The following RECQL5 variants were observed in gnomAD, a reference collection of about 807,000 sequenced individuals.
RECQL5 encodes ATP-dependent DNA helicase Q5.
Under a neutral mutation model 103.4 loss-of-function variants are expected in RECQL5, and 88 were observed. That is an observed-to-expected ratio of 0.85 (90% CI 0.72 to 1.02). RECQL5 has a LOEUF of 1.02. Among genes scored for constraint, RECQL5 ranks in the 50% least tolerant of loss-of-function variants. The pLI, the probability that RECQL5 is intolerant of heterozygous loss-of-function variation, is 0.00. For synonymous variants in RECQL5, 552 were observed against 507.9 expected, an observed-to-expected ratio of 1.09 and a Z score of -1.17; for missense variants, 1,232 against 1,284.3, an observed-to-expected ratio of 0.96 and a Z score of 0.62.
intron 8 of RECQL5, among the ~76,000 whole-genome samples, chr17:75,645,260 A>G (rs1042415965): frequency 6.6e-6 from 1 of 152,266 alleles, no homozygotes; most frequent in African/African-American, 2.4e-5. Flanking sequence ...GAGTGATTCC[A>G]AAGTCATCCC....
intron 7 of RECQL5, 95 bp downstream of exon 7, chr17:75,658,203 A>G (rs924143383): frequency 7.1e-7 from 1 of 1,399,346 alleles, no homozygotes; most frequent in Admixed American, 2.0e-5. Context: ...AGCCTCCTCT[A>G]GCTTACACAA....
Position 75,648,345 on chromosome 17 carries a change from C to A in RECQL5, c.1229+2841G>T, listed in dbSNP as rs149522228. On this transcript the variant is annotated intron_variant, in intron 8 of 19. Coordinates refer to ENST00000317905, the MANE Select transcript of RECQL5 (RefSeq NM_004259.7). ...CACTTGTTTTATACTCTCGAAACAC[C>A]ATTTACAGGACTTATATGTCTTTGT... Among the ~76,000 whole-genome samples, 161 of 152,114 alleles carry A rather than the reference C, an allele frequency of 1.1e-3. 1 individual carries two copies. The East Asian group carries it at 0.012, about 12-fold the overall frequency.
Position 75,640,378 on chromosome 17 carries a change from G to T in RECQL5, c.1230-8710C>A. The T allele has an allele frequency of 6.7e-7, 1 of 1,487,094 alleles. No homozygotes were observed. Among genetic ancestry groups the T allele is most frequent in the South Asian group, 1.3e-5 (1 of 75,052 alleles). 92.1% of individuals were successfully genotyped at this position (1,487,094 alleles called of 1,614,324 possible). A position where few individuals can be genotyped will look rare whatever the true frequency, so the allele number is the denominator to read the frequency against. On this transcript the variant is annotated intron_variant, in intron 8 of 19. Transcript: ENST00000317905. This position sits in a 1 kb window ranked among gnomAD's most constrained non-coding sequence, Gnocchi z 4.6. ...ATGGCTCTCCCTGGCATCTGGGAGAGACCACACCATGGTGCCAGCCAGAGG... is the reference window on the plus strand; with the variant it reads ...ATGGCTCTCCCTGGCATCTGGGAGATACCACACCATGGTGCCAGCCAGAGG...
chr17:75,664,054 C>CA (rs34569441), intron 3 of RECQL5, among the ~76,000 whole-genome samples: 53,624 of 105,572 alleles, frequency 0.51, 14,753 homozygotes, highest in Non-Finnish European at 0.6. Flanking sequence ...AACTCCATCT[C>CA]AAAAAAAAAA....
At chr17:75,666,983 C>T in intron 1 of RECQL5, 61 bp downstream of exon 1, 1 of 259,098 alleles carries the variant, frequency 3.9e-6, no homozygotes, top group Non-Finnish European at 7.5e-6. Flanking sequence ...CTTCCTGAGC[C>T]CAAGATCCGC....
intron 2 of RECQL5, among the ~76,000 whole-genome samples, chr17:75,665,900 G>T (rs1435580876): frequency 6.6e-6 from 1 of 152,126 alleles, no homozygotes; most frequent in Non-Finnish European, 1.5e-5. Context: ...CGTATCTCAG[G>T]TTTATAACAT....
At chr17:75,664,023 A>G (rs2059733884) in intron 3 of RECQL5, among the ~76,000 whole-genome samples, 1 of 148,070 alleles carries the variant, frequency 6.8e-6, no homozygotes, top group African/African-American at 2.5e-5. Flanking sequence ...CATTGCACTC[A>G]AGCCCGGGCA....
At chr17:75,648,287 A>C (rs975167335) in intron 8 of RECQL5, among the ~76,000 whole-genome samples, 2 of 152,096 alleles carry the variant, frequency 1.3e-5, no homozygotes, top group East Asian at 1.9e-4. Flanking sequence ...CCTCAGGTAA[A>C]TCTTCCCTAA....
At chr17:75,657,747 TAAAA>T (rs35049816) in intron 7 of RECQL5, among the ~76,000 whole-genome samples, 3 of 112,218 alleles carry the variant, frequency 2.7e-5, no homozygotes, top group Non-Finnish European at 3.8e-5. Flanking sequence ...CCTTGTCTCT[TAAAA>T]AAAAAAAAAA....
rs114723240 is a variant in RECQL5, at chr17:75,631,301, T to C, written c.1449-52A>G. ...CCTGGCCTGGGCTCTGCCCTCCCCATGTGTGCTGCTGCTAGAACGGCAATG... is the reference window on the plus strand; with the variant it reads ...CCTGGCCTGGGCTCTGCCCTCCCCACGTGTGCTGCTGCTAGAACGGCAATG... On this transcript the variant is annotated intron_variant, in intron 9 of 19. Coordinates refer to ENST00000317905, the MANE Select transcript of RECQL5 (RefSeq NM_004259.7). The C allele has an allele frequency of 2.4e-3, 3,734 of 1,574,908 alleles. 70 individuals are homozygous for C. In the African/African-American group the frequency reaches 0.045, roughly 19 times the overall value.
chr17:75,653,041 A>T (rs2059574652), intron 7 of RECQL5, among the ~76,000 whole-genome samples: 1 of 152,326 alleles, frequency 6.6e-6, no homozygotes, highest in Admixed American at 6.5e-5. Context: ...GGCACACAGC[A>T]GGCAGAGCCC....
At position 75,667,092 on chromosome 17, in the gene RECQL5, C is replaced by T; in HGVS notation, c.-63G>A. 1 of 426,366 alleles carries T rather than the reference C, an allele frequency of 2.3e-6. No homozygotes were observed. The highest frequency in any genetic ancestry group is 4.2e-6 in the Non-Finnish European group (1 of 238,164). The allele number at this position is 426,366 out of a possible 1,614,324, so 26.4% of individuals were successfully genotyped here. Reference sequence around the variant, plus strand: ...AGAATTAAAGGCTGCTGGCTGGTTCCGGAACTGTTCGAAGACCCCTATACA... The same window carrying T: ...AGAATTAAAGGCTGCTGGCTGGTTCTGGAACTGTTCGAAGACCCCTATACA... On this transcript the variant is annotated 5_prime_UTR_variant, in exon 1 of 20. Transcript: ENST00000317905.
At chr17:75,653,929 C>A (rs778208444) in intron 7 of RECQL5, among the ~76,000 whole-genome samples, 1 of 151,566 alleles carries the variant, frequency 6.6e-6, no homozygotes, top group Non-Finnish European at 1.5e-5. Context: ...AAAAAAAAAC[C>A]CCAAAAAAAC....
chr17:75,628,052 GCAACCCACGGC>G (rs1272111756), intron 18 of RECQL5, among the ~76,000 whole-genome samples, 155 bp downstream of exon 18: 2 of 150,502 alleles, frequency 1.3e-5, no homozygotes, highest in Non-Finnish European at 3.0e-5. Context: ...GACCCCCAGA[GCAACCCACGGC>G]CATGACCCAA....
intron 15 of RECQL5, 58 bp downstream of exon 15, chr17:75,629,650 G>A: frequency 6.4e-7 from 1 of 1,554,336 alleles, no homozygotes; most frequent in Admixed American, 1.8e-5. Context: ...CCTGAGGGCA[G>A]AGGGGAAGTG....
At position 75,662,696 on chromosome 17, in the gene RECQL5, T is replaced by C. The variant is rs766404961; in HGVS notation, c.554A>G (p.His185Arg). The C allele has an allele frequency of 8.7e-6, 14 of 1,614,104 alleles. No homozygotes were observed. The highest frequency in any genetic ancestry group is 6.7e-5 in the Admixed American group (4 of 60,020). Reference protein sequence around the residue: ...RLGALRSRLGHAPCVALTATA... With the variant: ...RLGALRSRLGRAPCVALTATA... ...GGCGGTCAGAGCCACACAAGGGGCA[T>C]GTCCCAGGCGGGAGCGCAGGGCACC... Residue 185 changes from histidine (H) to arginine (R), a missense_variant, in exon 4 of 20, where the codon CAT becomes CGT. Physicochemically the swap from His to Arg is conservative, Grantham distance 29. Coordinates refer to ENST00000317905, the MANE Select transcript of RECQL5 (RefSeq NM_004259.7).
At chr17:75,631,105 G>A (rs542174622) in intron 10 of RECQL5, 45 bp downstream of exon 10, 30 of 1,609,790 alleles carry the variant, frequency 1.9e-5, no homozygotes, top group Admixed American at 1.7e-4. Flanking sequence ...TGCGAGCAGG[G>A]GGCCACCAGG....
intron 3 of RECQL5, among the ~76,000 whole-genome samples, chr17:75,664,778 T>C (rs1029705465): frequency 1.3e-5 from 2 of 151,604 alleles, no homozygotes; most frequent in South Asian, 4.2e-4. Context: ...CCGGGTATGG[T>C]GGCATACACC....
chr17:75,664,932 GA>G lies in RECQL5; in HGVS notation c.252+118del, dbSNP rs941112025. 8.2e-5 allele frequency: 104 copies of G among 1,273,698 alleles called. 2 individuals carry two copies. The African/African-American group carries it at 1.4e-3, about 17-fold the overall frequency. The allele number at this position is 1,273,698 out of a possible 1,614,324, so 78.9% of individuals were successfully genotyped here. A position where few individuals can be genotyped will look rare whatever the true frequency, so the allele number is the denominator to read the frequency against. ...TGTCTCAAAAAAAAAAAAAAAAAAG[GA>G]AAAAGAAAAAGAAAAGAAAATAAGA... On this transcript the variant is annotated intron_variant, in intron 3 of 19. Coordinates refer to ENST00000317905, the MANE Select transcript of RECQL5 (RefSeq NM_004259.7).
Sources: allele counts gnomAD v4.1 joint callset (sites outside exome capture counted in the v4.1 genomes callset), GRCh38; gene constraint gnomAD v4.1.1; non-coding constraint Gnocchi (gnomAD v3.1); transcripts MANE v1.5; gene names NCBI Gene and HGNC (gene_info 2026-07-23, HGNC 2026-07-21).